Variants in TMEM263 observed in about 807,000 individuals in gnomAD.
TMEM263 encodes the protein transmembrane protein 263.
In TMEM263, 5 loss-of-function variants were observed where a neutral mutation model predicts 8.6. That is an observed-to-expected ratio of 0.58 (90% CI 0.31 to 1.23). The LOEUF is 1.23. TMEM263 is among the 50% of genes most tolerant of loss of function. The probability of loss-of-function intolerance (pLI) is 0.07; values close to 1 mark genes in which losing one functional copy is unlikely to be tolerated. For missense variants in TMEM263, 104 were observed against 138.8 expected (o/e 0.75, Z 1.26); for synonymous variants, 50 against 47.9 (o/e 1.04, Z -0.18).
At chr12:106,961,905 G>A (rs1309512371) in intron 2 of TMEM263, among the ~76,000 whole-genome samples, 2 of 151,436 alleles carry the variant, frequency 1.3e-5, no homozygotes, top group African/African-American at 4.9e-5. Flanking sequence ...ATTCAAGTAT[G>A]TTGTTTTTTA....
chr12:106,971,454 A>G lies in TMEM263; in HGVS notation c.*63A>G. 6.7e-7 allele frequency: 1 copy of G among 1,482,154 alleles called. No individual in the cohort carries two copies. Among genetic ancestry groups the G allele is most frequent in the Non-Finnish European group, 9.1e-7 (1 of 1,102,834 alleles). 91.8% of individuals were successfully genotyped at this position (1,482,154 alleles called of 1,614,324 possible). On this transcript the variant is annotated 3_prime_UTR_variant, in exon 4 of 4. Transcript: ENST00000280756. Reference sequence around the variant, plus strand: ...GCCAGTGGCATTGAATTGCTAAATTATGGACTACAACCAAGTCAACTGTTT... The same window carrying G: ...GCCAGTGGCATTGAATTGCTAAATTGTGGACTACAACCAAGTCAACTGTTT...
chr12:106,965,877 C>G (rs1951838542), intron 2 of TMEM263, among the ~76,000 whole-genome samples: 2 of 151,982 alleles, frequency 1.3e-5, no homozygotes, highest in African/African-American at 4.8e-5. Flanking sequence ...AGCAAAAAGT[C>G]ATCAAAATTG....
intron 3 of TMEM263, among the ~76,000 whole-genome samples, chr12:106,968,390 G>A (rs1432217110): frequency 2.8e-5 from 4 of 145,134 alleles, no homozygotes; most frequent in Admixed American, 1.4e-4. Flanking sequence ...AAAAAAAAAA[G>A]AACTAGCTGA....
intron 2 of TMEM263, among the ~76,000 whole-genome samples, chr12:106,965,269 AAAG>A (rs1951829370): frequency 1.3e-5 from 2 of 152,166 alleles, no homozygotes; most frequent in Non-Finnish European, 2.9e-5. Context: ...TCATCGCAGT[AAAG>A]CCTTCACAGA....
intron 2 of TMEM263, among the ~76,000 whole-genome samples, chr12:106,965,097 T>A (rs1951827139): frequency 6.6e-6 from 1 of 152,180 alleles, no homozygotes; most frequent in African/African-American, 2.4e-5. Context: ...TCACTCTTTG[T>A]CTTCCTCTCC....
intron 2 of TMEM263, among the ~76,000 whole-genome samples, chr12:106,964,740 G>A (rs1479849360): frequency 6.6e-6 from 1 of 152,210 alleles, no homozygotes; most frequent in African/African-American, 2.4e-5. Flanking sequence ...CAGTAGGGGT[G>A]CAGAGAAGTG....
Position 106,973,917 on chromosome 12 carries a change from A to T in TMEM263, c.*2526A>T, listed in dbSNP as rs1057360165. ...GTCAGATGAAAATAACTGATGAATA[A>T]TTTTTTTGTATTAAAGGGATGGGAA... On this transcript the variant is annotated 3_prime_UTR_variant, in exon 4 of 4. Coordinates refer to ENST00000280756, the MANE Select transcript of TMEM263 (RefSeq NM_152261.4). 6.6e-6 allele frequency: 1 copy of T among 152,548 alleles called. No individual in the cohort carries two copies. The highest frequency in any genetic ancestry group is 1.5e-5 in the Non-Finnish European group (1 of 68,034). 9.4% of individuals were successfully genotyped at this position (152,548 alleles called of 1,614,324 possible).
intron 2 of TMEM263, among the ~76,000 whole-genome samples, chr12:106,964,730 C>T (rs959625210): frequency 2.6e-5 from 4 of 152,224 alleles, no homozygotes; most frequent in Non-Finnish European, 1.5e-5. Context: ...CTGCTGGACT[C>T]AGTAGGGGTG....
intron 2 of TMEM263, among the ~76,000 whole-genome samples, chr12:106,962,609 G>T (rs182283007): frequency 3.3e-5 from 5 of 152,106 alleles, no homozygotes; most frequent in African/African-American, 1.2e-4. Context: ...ACTTCAAACC[G>T]CTCTTAGAAC....
chr12:106,960,568 C>T lies in TMEM263; in HGVS notation c.-7+3419C>T, dbSNP rs184832707. ...CTAGCTTTTTACATTTCACACTCCT[C>T]TACAGAAATACTCCTAATTTTAGGC... is the stretch of plus-strand genomic sequence containing the variant. On this transcript the variant is annotated intron_variant, in intron 2 of 3. Transcript: ENST00000280756. Among the ~76,000 whole-genome samples the T allele has an allele frequency of 4.0e-3, 605 of 152,198 alleles. 6 individuals are homozygous for T. The highest frequency in any genetic ancestry group is 4.4e-3 in the Non-Finnish European group (298 of 68,016).
At chr12:106,961,010 C>T (rs1223266782) in intron 2 of TMEM263, among the ~76,000 whole-genome samples, 2 of 150,844 alleles carry the variant, frequency 1.3e-5, no homozygotes, top group Non-Finnish European at 2.9e-5. Flanking sequence ...CTCTTCGCTT[C>T]GCTTCTTTTC....
chr12:106,961,616 T>TA (rs1951779396), intron 2 of TMEM263, among the ~76,000 whole-genome samples: 1 of 152,134 alleles, frequency 6.6e-6, no homozygotes, highest in African/African-American at 2.4e-5. Flanking sequence ...GAAGACATCA[T>TA]ACCTTTGTAT....
chr12:106,959,824 A>C (rs1317775732), intron 2 of TMEM263, among the ~76,000 whole-genome samples: 1 of 152,232 alleles, frequency 6.6e-6, no homozygotes, highest in Non-Finnish European at 1.5e-5. Flanking sequence ...CAGATGACAC[A>C]GTTAAGGATT....
intron 2 of TMEM263, among the ~76,000 whole-genome samples, chr12:106,965,990 T>C (rs1002745387): frequency 2.6e-5 from 4 of 152,134 alleles, no homozygotes; most frequent in Admixed American, 1.3e-4. Context: ...ATTTATTAAC[T>C]TTTTCAAATT....
Position 106,967,344 on chromosome 12 carries a change from C to T in TMEM263, c.64+164C>T, listed in dbSNP as rs527341637. ...CACGATCTTGGCCCACTGCAACCTC[C>T]GCTTCCTGGGTTCAAGCAGTTCTCC... On this transcript the variant is annotated intron_variant, in intron 3 of 3. Coordinates refer to ENST00000280756, the MANE Select transcript of TMEM263 (RefSeq NM_152261.4). The T allele has an allele frequency of 2.1e-5, 10 of 474,072 alleles. No individual in the cohort carries two copies. The Admixed American group carries it at 2.1e-4, about 10-fold the overall frequency. 29.4% of individuals were successfully genotyped at this position (474,072 alleles called of 1,614,324 possible). A position where few individuals can be genotyped will look rare whatever the true frequency, so the allele number is the denominator to read the frequency against.
chr12:106,955,919 C>G lies in TMEM263; in HGVS notation c.-221C>G. 1.0e-6 allele frequency: 1 copy of G among 985,746 alleles called. No homozygotes were observed. Among genetic ancestry groups the G allele is most frequent in the Non-Finnish European group, 1.2e-6 (1 of 830,238 alleles). The allele number at this position is 985,746 out of a possible 1,614,324, so 61.1% of individuals were successfully genotyped here. A position where few individuals can be genotyped will look rare whatever the true frequency, so the allele number is the denominator to read the frequency against. On this transcript the variant is annotated 5_prime_UTR_variant, in exon 1 of 4. Coordinates refer to ENST00000280756, the MANE Select transcript of TMEM263 (RefSeq NM_152261.4). ...CACCACCGCCGCCACAGTCTTCCAG[C>G]TCCACATCCTGAGAGGACGCCTCTG...
intron 2 of TMEM263, among the ~76,000 whole-genome samples, chr12:106,957,912 T>C (rs1392931123): frequency 6.6e-6 from 1 of 152,216 alleles, no homozygotes; most frequent in Admixed American, 6.5e-5. Context: ...TGATAGTTGG[T>C]TTAACTAGAA....
At chr12:106,967,257 T>G (rs1349900599) in intron 3 of TMEM263, 77 bp downstream of exon 3, 1 of 971,638 alleles carries the variant, frequency 1.0e-6, no homozygotes, top group Non-Finnish European at 1.5e-6. Context: ...TTTTTACTTA[T>G]TTTATTTTAT....
chr12:106,962,131 A>G (rs1175126687), intron 2 of TMEM263, among the ~76,000 whole-genome samples: 1 of 152,208 alleles, frequency 6.6e-6, no homozygotes, highest in Admixed American at 6.5e-5. Flanking sequence ...ACTATATACA[A>G]ATACTATATT....
Sources: gnomAD v4.1 joint callset for allele counts (sites outside exome capture counted in the v4.1 genomes callset) on GRCh38, gnomAD v4.1.1 for gene constraint, MANE v1.5 for transcripts, NCBI Gene and HGNC (gene_info 2026-07-23, HGNC 2026-07-21) for gene names.